Variants in TMEFF2 observed in about 807,000 individuals in gnomAD.
The protein encoded by TMEFF2 is transmembrane protein with EGF like and two follistatin like domains 2, also known as tomoregulin-2.
TMEFF2 carries 28 observed loss-of-function variants against 53.8 expected under a neutral mutation model. The ratio of observed to expected loss-of-function variants is 0.52; its 90% CI spans 0.39 to 0.71. TMEFF2 has a LOEUF of 0.71. Ranked by LOEUF, TMEFF2 falls within the 30% of genes least tolerant of loss-of-function variation. The probability of loss-of-function intolerance (pLI) is 0.00; values close to 1 mark genes in which losing one functional copy is unlikely to be tolerated. For synonymous variants in TMEFF2, 162 were observed against 166.3 expected (o/e 0.97, Z 0.20); for missense variants, 353 against 455.2 (o/e 0.78, Z 2.04).
At chr2:192,092,698 G>A (rs1036549822) in intron 4 of TMEFF2, among the ~76,000 whole-genome samples, 2 of 152,100 alleles carry the variant, frequency 1.3e-5, no homozygotes, top group Non-Finnish European at 2.9e-5. Flanking sequence ...TGGGCTCAAT[G>A]TAATTACAAG....
At chr2:191,970,742 T>G (rs891682472) in intron 7 of TMEFF2, among the ~76,000 whole-genome samples, 8 of 151,932 alleles carry the variant, frequency 5.3e-5, no homozygotes, top group Non-Finnish European at 1.5e-5. Flanking sequence ...CCAATCAAAC[T>G]CATATTGATA....
intron 7 of TMEFF2, among the ~76,000 whole-genome samples, chr2:191,977,967 T>C (rs1171858738): frequency 1.3e-5 from 2 of 152,184 alleles, no homozygotes; most frequent in East Asian, 1.9e-4. Flanking sequence ...TAACAGAAGA[T>C]TGTGAATAAA....
At chr2:192,129,872 T>C (rs1317697122) in intron 4 of TMEFF2, among the ~76,000 whole-genome samples, 2 of 152,274 alleles carry the variant, frequency 1.3e-5, no homozygotes, top group African/African-American at 4.8e-5. Context: ...TTTACATTTG[T>C]ATTTCTTACC....
intron 7 of TMEFF2, among the ~76,000 whole-genome samples, chr2:191,972,812 G>A (rs1343668118): frequency 6.6e-6 from 1 of 152,062 alleles, no homozygotes; most frequent in African/African-American, 2.4e-5. Context: ...AAGCTCCAAT[G>A]TATAAACATG....
intron 4 of TMEFF2, among the ~76,000 whole-genome samples, chr2:192,102,760 G>A (rs1445241677): frequency 4.0e-5 from 6 of 150,706 alleles, no homozygotes; most frequent in South Asian, 4.2e-4. Flanking sequence ...TACTAGAGAC[G>A]GGGTTTCGTC....
At chr2:192,056,249 G>T (rs1687905890) in intron 5 of TMEFF2, among the ~76,000 whole-genome samples, 1 of 151,958 alleles carries the variant, frequency 6.6e-6, no homozygotes, top group South Asian at 2.1e-4. Flanking sequence ...CCTGAAAGGG[G>T]TGAGGTATAT....
intron 4 of TMEFF2, among the ~76,000 whole-genome samples, chr2:192,072,228 T>C (rs1688308607): frequency 1.3e-5 from 2 of 151,892 alleles, no homozygotes; most frequent in Non-Finnish European, 2.9e-5. Context: ...ATATTGATAA[T>C]AACTATCAAA....
intron 5 of TMEFF2, among the ~76,000 whole-genome samples, chr2:192,006,407 T>G (rs1007803444): frequency 6.6e-6 from 1 of 152,118 alleles, no homozygotes; most frequent in African/African-American, 2.4e-5. Context: ...AATCACATTT[T>G]GAAGAGAGGG....
intron 4 of TMEFF2, among the ~76,000 whole-genome samples, chr2:192,086,215 G>C (rs1311501844): frequency 2.0e-5 from 3 of 152,120 alleles, no homozygotes; most frequent in Non-Finnish European, 4.4e-5. Context: ...TCCGGTTGTT[G>C]GTTGACTTAT....
At position 192,154,971 on chromosome 2, in the gene TMEFF2, G is replaced by A. The variant is rs549531189; in HGVS notation, c.439+24697C>T. Among the ~76,000 whole-genome samples, 25 of 151,894 alleles carry A rather than the reference G, an allele frequency of 1.6e-4. No homozygotes were observed. In the South Asian group the frequency reaches 2.9e-3, roughly 18 times the overall value. Reference sequence around the variant, plus strand: ...TATAAAACTTATAAGATCTTTATGCGAAATTTTCATACCCTTCCTGGGAAC... The same window carrying A: ...TATAAAACTTATAAGATCTTTATGCAAAATTTTCATACCCTTCCTGGGAAC... On this transcript the variant is annotated intron_variant, in intron 4 of 9. Transcript: ENST00000272771.
rs931379171 is a variant in TMEFF2, at chr2:191,956,433, C to T, written c.746-55G>A. 2.5e-6 allele frequency: 4 copies of T among 1,569,268 alleles called. No homozygotes were observed. In the African/African-American group the frequency reaches 5.5e-5, roughly 21 times the overall value. ...CTGTAAATACTTAGCCTGGTAAGATCAACCAGTACATTAAGAAGCAAAGCT... is the reference window on the plus strand; with the variant it reads ...CTGTAAATACTTAGCCTGGTAAGATTAACCAGTACATTAAGAAGCAAAGCT... On this transcript the variant is annotated intron_variant, in intron 7 of 9. Transcript: ENST00000272771.
At chr2:192,045,732 C>T (rs577503923) in intron 5 of TMEFF2, among the ~76,000 whole-genome samples, 86 of 152,334 alleles carry the variant, frequency 5.6e-4, no homozygotes, top group African/African-American at 1.9e-3. Context: ...AAACCAACAC[C>T]GAGTCCCTAA....
intron 4 of TMEFF2, among the ~76,000 whole-genome samples, chr2:192,082,095 C>T (rs895637202): frequency 1.3e-5 from 2 of 152,212 alleles, no homozygotes; most frequent in South Asian, 2.1e-4. Flanking sequence ...CCACCGTGCC[C>T]GGCCTATTTC....
intron 7 of TMEFF2, among the ~76,000 whole-genome samples, chr2:191,987,135 C>T (rs191999988): frequency 2.6e-4 from 40 of 152,166 alleles, no homozygotes; most frequent in African/African-American, 8.4e-4. Flanking sequence ...GATGTATAGC[C>T]GTATATCTGG....
intron 4 of TMEFF2, among the ~76,000 whole-genome samples, chr2:192,118,908 C>T (rs984216447): frequency 7.2e-5 from 11 of 151,882 alleles, no homozygotes; most frequent in Admixed American, 6.6e-5. Flanking sequence ...ATATATTTTA[C>T]CAAATTATTT....
chr2:192,050,159 T>C (rs1687732133), intron 5 of TMEFF2, among the ~76,000 whole-genome samples: 1 of 152,242 alleles, frequency 6.6e-6, no homozygotes, highest in Non-Finnish European at 1.5e-5. Flanking sequence ...TTACATGATT[T>C]AAACTGCATG....
At chr2:192,132,155 A>C (rs1689852795) in intron 4 of TMEFF2, among the ~76,000 whole-genome samples, 1 of 151,572 alleles carries the variant, frequency 6.6e-6, no homozygotes, top group Non-Finnish European at 1.5e-5. Context: ...CCGCTCCTCC[A>C]CCCTGTAATC....
At chr2:192,000,160 G>A (rs1686321962) in intron 5 of TMEFF2, among the ~76,000 whole-genome samples, 1 of 151,964 alleles carries the variant, frequency 6.6e-6, no homozygotes, top group African/African-American at 2.4e-5. Context: ...GTACAACCAT[G>A]TTACAGCTTT....
chr2:192,148,442 C>T (rs574333328), intron 4 of TMEFF2, among the ~76,000 whole-genome samples: 189 of 152,146 alleles, frequency 1.2e-3, no homozygotes, highest in South Asian at 5.0e-3. Flanking sequence ...CATTCCTCTT[C>T]CTTGTCCTTC....
Sources: gnomAD v4.1 joint callset for allele counts (sites outside exome capture counted in the v4.1 genomes callset) on GRCh38, gnomAD v4.1.1 for gene constraint, MANE v1.5 for transcripts, NCBI Gene and HGNC (gene_info 2026-07-23, HGNC 2026-07-21) for gene names.